Variants in PCDHA3 observed in about 807,000 individuals in gnomAD.
PCDHA3 encodes the protein protocadherin alpha 3, also known as protocadherin alpha-3.
Under a neutral mutation model 62.2 loss-of-function variants are expected in PCDHA3, and 41 were observed. The observed-to-expected ratio is 0.66, with a 90% CI of 0.51 to 0.86. The LOEUF is 0.86. PCDHA3 is among the 40% of genes least tolerant of loss of function. PCDHA3 has a pLI of 0.00. For synonymous variants in PCDHA3, 640 were observed against 555.4 expected (o/e 1.15, Z -2.14); for missense variants, 1,304 against 1,241.2 (o/e 1.05, Z -0.76).
Position 140,918,319 on chromosome 5 carries a change from A to T in PCDHA3, c.2395-60630A>T, listed in dbSNP as rs568659309. Among the ~76,000 whole-genome samples, 8 of 152,266 alleles carry T rather than the reference A, an allele frequency of 5.3e-5. No individual in the cohort carries two copies. In the South Asian group the frequency reaches 1.7e-3, roughly 32 times the overall value. ...GAATATAGGGTTTTCTAGGTATAAAATTATATTGTCTGCTAAGAGAGATAG... is the reference window on the plus strand; with the variant it reads ...GAATATAGGGTTTTCTAGGTATAAATTTATATTGTCTGCTAAGAGAGATAG... On this transcript the variant is annotated intron_variant, in intron 1 of 3. Coordinates refer to ENST00000522353, the MANE Select transcript of PCDHA3 (RefSeq NM_018906.3).
At chr5:140,884,603 T>A in intron 1 of PCDHA3, 4 of 1,614,132 alleles carry the variant, frequency 2.5e-6, no homozygotes, top group Non-Finnish European at 3.4e-6. Flanking sequence ...CCTTCCTCCT[T>A]GTCTGGGTTC....
At chr5:140,966,925 A>T in intron 1 of PCDHA3, 8 of 1,603,462 alleles carry the variant, frequency 5.0e-6, no homozygotes, top group African/African-American at 1.3e-5. Context: ...AGGAGCAGGC[A>T]CCCGGCGCGC....
intron 1 of PCDHA3, chr5:140,876,592 G>A (rs1469576623): frequency 1.2e-6 from 2 of 1,614,164 alleles, no homozygotes; most frequent in Middle Eastern, 1.6e-4. Flanking sequence ...CCTGATTAGC[G>A]TGTCGGATCG....
At chr5:140,977,461 G>A (rs1554238575) in intron 1 of PCDHA3, among the ~76,000 whole-genome samples, 1 of 152,120 alleles carries the variant, frequency 6.6e-6, no homozygotes, top group African/African-American at 2.4e-5. Context: ...CTTTGATTTG[G>A]TCTGTAGATA....
At chr5:140,805,260 TA>T (rs1763537076) in intron 1 of PCDHA3, 1 of 1,292,364 alleles carries the variant, frequency 7.7e-7, no homozygotes, top group Non-Finnish European at 9.8e-7. Context: ...AAATACCTGG[TA>T]AATGAAAATA....
At position 140,856,616 on chromosome 5, in the gene PCDHA3, T is replaced by G. The variant is rs1554148924; in HGVS notation, c.2394+53025T>G. ...TATAAACAAAAAAGACAAAGACAAA[T>G]TCCCAGTGCTTGTTCTGCGGAAGCT... is the stretch of plus-strand genomic sequence containing the variant. On this transcript the variant is annotated intron_variant, in intron 1 of 3. Coordinates refer to ENST00000522353, the MANE Select transcript of PCDHA3 (RefSeq NM_018906.3). The G allele has an allele frequency of 2.5e-6, 4 of 1,597,862 alleles. 1 individual carries two copies. Among genetic ancestry groups the G allele is most frequent in the Non-Finnish European group, 3.4e-6 (4 of 1,167,486 alleles).
At chr5:140,984,597 T>TA (rs1554246418) in intron 3 of PCDHA3, among the ~76,000 whole-genome samples, 1 of 152,182 alleles carries the variant, frequency 6.6e-6, no homozygotes, top group East Asian at 1.9e-4. Flanking sequence ...TTTCAATACA[T>TA]ACCTCTGCAT....
At chr5:140,947,996 T>C (rs185303145) in intron 1 of PCDHA3, among the ~76,000 whole-genome samples, 1 of 126,772 alleles carries the variant, frequency 7.9e-6, no homozygotes, top group Non-Finnish European at 1.7e-5. Context: ...CCAAATACTT[T>C]ATTAAATTTA....
intron 1 of PCDHA3, chr5:140,829,251 G>C: frequency 6.2e-7 from 1 of 1,614,268 alleles, no homozygotes; most frequent in Non-Finnish European, 8.5e-7. Flanking sequence ...CAGGTGAACT[G>C]CTCGCTGACG....
intron 1 of PCDHA3, among the ~76,000 whole-genome samples, chr5:140,918,366 T>G (rs1203283831): frequency 2.0e-5 from 3 of 152,180 alleles, no homozygotes; most frequent in African/African-American, 7.2e-5. Flanking sequence ...CTCTGCCTAT[T>G]TGGATGCCTT....
At chr5:140,834,836 G>A in intron 1 of PCDHA3, 5 of 1,611,792 alleles carry the variant, frequency 3.1e-6, no homozygotes, top group Non-Finnish European at 3.4e-6. Context: ...TTGACTCTCG[G>A]TTTCCACTAG....
chr5:140,919,115 T>G (rs2079009343), intron 1 of PCDHA3, among the ~76,000 whole-genome samples: 1 of 152,228 alleles, frequency 6.6e-6, no homozygotes, highest in Non-Finnish European at 1.5e-5. Context: ...TTCTGCCAGT[T>G]TTTGCTTCAT....
intron 1 of PCDHA3, among the ~76,000 whole-genome samples, chr5:140,826,768 T>TA (rs1769047468): frequency 6.6e-6 from 1 of 152,046 alleles, no homozygotes; most frequent in Non-Finnish European, 1.5e-5. Context: ...TATTGGAGAG[T>TA]AATTGAAAAT....
chr5:140,989,788 G>A (rs2097360346), intron 3 of PCDHA3, among the ~76,000 whole-genome samples: 2 of 152,158 alleles, frequency 1.3e-5, no homozygotes, highest in Admixed American at 1.3e-4. Context: ...GAGACTAGAG[G>A]CCCCCAGGAA....
In PCDHA3 at chr5:140,835,636, TG is replaced by T. The variant is rs2150240289; in HGVS notation, c.2394+32046del. ...GACAGCGCTCTGGACCGCGAGAGTG[TG>T]TCCGCCTATGAGCTGGTGGTTACCG... On this transcript the variant is annotated intron_variant, in intron 1 of 3. Transcript: ENST00000522353. 6 of 1,613,906 alleles carry T rather than the reference TG, an allele frequency of 3.7e-6. No individual in the cohort carries two copies. The East Asian group carries it at 8.9e-5, about 24-fold the overall frequency.
At chr5:140,810,218 C>T (rs1352076504) in intron 1 of PCDHA3, 3 of 152,150 alleles carry the variant, frequency 2.0e-5, no homozygotes, top group African/African-American at 7.2e-5. Context: ...CATAAATATA[C>T]TATACCTTAT....
intron 1 of PCDHA3, among the ~76,000 whole-genome samples, chr5:140,972,578 C>A (rs1554234223): frequency 6.6e-6 from 1 of 151,798 alleles, no homozygotes; most frequent in Non-Finnish European, 1.5e-5. Flanking sequence ...GGCAATAGGG[C>A]AGAATTTCTC....
intron 1 of PCDHA3, chr5:140,884,559 C>A (rs782174598): frequency 6.2e-7 from 1 of 1,614,094 alleles, no homozygotes; most frequent in South Asian, 1.1e-5. Flanking sequence ...GGGGAGGGCC[C>A]GCATAAGACG....
rs141570762 is a variant in PCDHA3 at position 140,830,083 on chromosome 5, G to C, written c.2394+26492G>C. ...AGCCGGCGCTGACAGCGACGGCCAC[G>C]GTTCTGGTGTCGCTGGTGGAGAGTG... is the stretch of plus-strand genomic sequence containing the variant. On this transcript the variant is annotated intron_variant, in intron 1 of 3. Transcript: ENST00000522353. 690 of 1,613,696 alleles carry C rather than the reference G, an allele frequency of 4.3e-4. 3 individuals are homozygous for C. In the African/African-American group the frequency reaches 8.5e-3, roughly 20 times the overall value.
Sources: gnomAD v4.1 joint callset for allele counts (sites outside exome capture counted in the v4.1 genomes callset) on GRCh38, gnomAD v4.1.1 for gene constraint, MANE v1.5 for transcripts, NCBI Gene and HGNC (gene_info 2026-07-23, HGNC 2026-07-21) for gene names.